The following HSPA12A variants were observed in gnomAD, a reference collection of about 807,000 sequenced individuals.
HSPA12A encodes heat shock protein family A (Hsp70) member 12A, also known as heat shock 70 kDa protein 12A.
HSPA12A carries 28 observed loss-of-function variants against 69.2 expected under a neutral mutation model. The observed-to-expected ratio is 0.40, with a 90% CI of 0.30 to 0.55. The LOEUF (loss-of-function observed/expected upper bound fraction) is 0.55. Among genes scored for constraint, HSPA12A ranks in the 20% least tolerant of loss-of-function variants. The pLI is 0.38. For synonymous variants in HSPA12A, 345 were observed against 370.5 expected, an observed-to-expected ratio of 0.93 and a Z score of 0.79; for missense variants, 686 against 900.7, an observed-to-expected ratio of 0.76 and a Z score of 3.05.
chr10:116,819,338 T>C (rs565228994), intron 2 of HSPA12A, among the ~76,000 whole-genome samples: 2 of 152,206 alleles, frequency 1.3e-5, no homozygotes, highest in Admixed American at 6.5e-5. Context: ...CCCCTTGCAC[T>C]TTACATAGGA....
At position 116,726,027 on chromosome 10, in the gene HSPA12A, G is replaced by GCGCACACA. The variant is rs140160132; in HGVS notation, c.40+16402_40+16403insTGTGTGCG. 3.3e-3 allele frequency among the ~76,000 whole-genome samples: 476 copies of GCGCACACA among 146,220 alleles called. 4 individuals carry two copies. Among genetic ancestry groups the GCGCACACA allele is most frequent in the African/African-American group, 0.011 (432 of 39,082 alleles). On this transcript the variant is annotated intron_variant, in intron 1 of 11. Transcript: ENST00000369209. ...ACAAGGTTTAGACACACACACACAC[G>GCGCACACA]CACACACACACACACACACACACAC...
In HSPA12A at chr10:116,847,996, C is replaced by T. The variant is rs539642156; in HGVS notation, c.3+1570G>A. ...TCTTTGATGTGGGACTCAACCCAGG[C>T]ACTCAAGGATGAACATAGGAGAGAA... On this transcript the variant is annotated intron_variant, in intron 1 of 12. Coordinates refer to the HSPA12A transcript ENST00000635765. Among the ~76,000 whole-genome samples the T allele has an allele frequency of 4.6e-5, 7 of 152,250 alleles. No individual in the cohort carries two copies. In the South Asian group the frequency reaches 1.5e-3, roughly 32 times the overall value.
intron 1 of HSPA12A, among the ~76,000 whole-genome samples, chr10:116,722,450 G>A (rs1160797695): frequency 4.6e-5 from 7 of 152,278 alleles, no homozygotes; most frequent in South Asian, 2.1e-4. Flanking sequence ...GTCTGGGAGG[G>A]TCCTGAATGG....
intron 2 of HSPA12A, among the ~76,000 whole-genome samples, chr10:116,749,594 AGGG>A: frequency 6.6e-6 from 1 of 152,360 alleles, no homozygotes. Flanking sequence ...GGCACATGGC[AGGG>A]CCTCAAGAAA....
intron 6 of HSPA12A, among the ~76,000 whole-genome samples, chr10:116,691,429 G>T (rs1554880133): frequency 6.6e-6 from 1 of 152,170 alleles, no homozygotes; most frequent in African/African-American, 2.4e-5. Flanking sequence ...TACGTCTCCT[G>T]GGAAAGGTGG....
At chr10:116,708,055 A>G (rs1850313587) in intron 1 of HSPA12A, 1 of 152,204 alleles carries the variant, frequency 6.6e-6, no homozygotes. Context: ...ATTCAGGCCT[A>G]GCATTTTTCT....
intron 1 of HSPA12A, among the ~76,000 whole-genome samples, chr10:116,709,588 C>T (rs892504643): frequency 4.6e-5 from 7 of 151,822 alleles, no homozygotes; most frequent in Non-Finnish European, 1.0e-4. Flanking sequence ...AAGTAAAATA[C>T]ATGGATGCAA....
chr10:116,722,280 A>G (rs1478025425), intron 1 of HSPA12A, among the ~76,000 whole-genome samples: 1 of 152,176 alleles, frequency 6.6e-6, no homozygotes, highest in African/African-American at 2.4e-5. Context: ...TCCCCCACAG[A>G]GCCCAAGATG....
chr10:116,836,975 TTATC>T (rs1408020285), intron 1 of HSPA12A, among the ~76,000 whole-genome samples: 1 of 152,140 alleles, frequency 6.6e-6, no homozygotes, highest in African/African-American at 2.4e-5. Flanking sequence ...TACACTATCT[TTATC>T]TAGGAGGTAG....
At chr10:116,695,639 A>G (rs1236143149) in intron 5 of HSPA12A, among the ~76,000 whole-genome samples, 1 of 151,978 alleles carries the variant, frequency 6.6e-6, no homozygotes, top group Non-Finnish European at 1.5e-5. Flanking sequence ...ACATGGTGAA[A>G]CCCCGTCTCT....
chr10:116,725,622 G>A (rs1485955638), intron 1 of HSPA12A, among the ~76,000 whole-genome samples: 2 of 152,120 alleles, frequency 1.3e-5, no homozygotes, highest in East Asian at 3.9e-4. Context: ...AGAGATGTGA[G>A]GACTGAGGAG....
chr10:116,849,191 C>T (rs1014689278), intron 1 of HSPA12A, among the ~76,000 whole-genome samples: 1 of 152,190 alleles, frequency 6.6e-6, no homozygotes, highest in African/African-American at 2.4e-5. Context: ...GGGACCCGAG[C>T]GCGCGACCCC....
intron 1 of HSPA12A, among the ~76,000 whole-genome samples, chr10:116,848,524 C>G (rs1845947830): frequency 2.0e-5 from 3 of 152,172 alleles, no homozygotes; most frequent in Admixed American, 2.0e-4. Flanking sequence ...GATCTTGTAA[C>G]TGATCTGCTT....
chr10:116,675,500 G>T lies in HSPA12A; in HGVS notation c.1391-82C>A. The T allele has an allele frequency of 7.0e-7, 1 of 1,437,522 alleles. No individual in the cohort carries two copies. Among genetic ancestry groups the T allele is most frequent in the South Asian group, 1.4e-5 (1 of 70,036 alleles). The allele number at this position is 1,437,522 out of a possible 1,614,324, so 89.0% of individuals were successfully genotyped here. On this transcript the variant is annotated intron_variant, in intron 11 of 11. Transcript: ENST00000369209. This position sits in a 1 kb window ranked among gnomAD's most constrained non-coding sequence, Gnocchi z 5.2. ...GAACTGGGCTGCCTGCATCTGTGGG[G>T]AACGGATAAAGCCACTTGGGCCACT...
At chr10:116,847,315 T>G (rs1346899050) in intron 1 of HSPA12A, among the ~76,000 whole-genome samples, 4 of 152,206 alleles carry the variant, frequency 2.6e-5, no homozygotes, top group Admixed American at 2.6e-4. Context: ...ATGGTTGCCA[T>G]CAGTGTTTAG....
At chr10:116,782,152 A>C (rs2133136983) in intron 2 of HSPA12A, among the ~76,000 whole-genome samples, 1 of 152,370 alleles carries the variant, frequency 6.6e-6, no homozygotes. Context: ...GCTGTGACCA[A>C]GAAAACACAA....
At chr10:116,750,474 C>T in intron 2 of HSPA12A, 2 of 535,580 alleles carry the variant, frequency 3.7e-6, no homozygotes, top group South Asian at 2.0e-5. Context: ...GAATTTAATG[C>T]AGAAGTGCAT....
chr10:116,742,265 C>T lies in HSPA12A; in HGVS notation c.40+165G>A, dbSNP rs561899361. Among the ~76,000 whole-genome samples the T allele has an allele frequency of 3.2e-4, 49 of 151,904 alleles. 1 individual carries two copies. In the South Asian group the frequency reaches 9.7e-3, roughly 30 times the overall value. ...CTCCGGTCCACCGGACCCCGGCCCC[C>T]GGCCCCGCTGCTGCTGACCCCGGCC... On this transcript the variant is annotated intron_variant, in intron 1 of 11. Coordinates refer to ENST00000369209, the MANE Select transcript of HSPA12A (RefSeq NM_025015.3).
chr10:116,744,148 A>C (rs1033264916), upstream of HSPA12A, among the ~76,000 whole-genome samples: 40 of 152,156 alleles, frequency 2.6e-4, no homozygotes, highest in Admixed American at 1.1e-3. Context: ...AGCTCCAGCT[A>C]CAGCCGCTCT....
Sources: allele counts gnomAD v4.1 joint callset (sites outside exome capture counted in the v4.1 genomes callset), GRCh38; gene constraint gnomAD v4.1.1; non-coding constraint Gnocchi (gnomAD v3.1); transcripts MANE v1.5; gene names NCBI Gene and HGNC (gene_info 2026-07-23, HGNC 2026-07-21).